The following SLC25A20 variants were observed in gnomAD, a reference collection of about 807,000 sequenced individuals.
SLC25A20 encodes mitochondrial carnitine/acylcarnitine carrier protein.
Under a neutral mutation model 39.7 loss-of-function variants are expected in SLC25A20, and 29 were observed. The observed-to-expected ratio is 0.73, with a 90% CI of 0.54 to 1.00. The LOEUF (loss-of-function observed/expected upper bound fraction) is 1.00. SLC25A20 is among the 50% of genes least tolerant of loss of function. The probability of loss-of-function intolerance (pLI) is 0.00; values close to 1 mark genes in which losing one functional copy is unlikely to be tolerated. For synonymous variants in SLC25A20, 103 were observed against 142.2 expected, an observed-to-expected ratio of 0.72 and a Z score of 1.96; for missense variants, 333 against 379.9, an observed-to-expected ratio of 0.88 and a Z score of 1.03.
intron 4 of SLC25A20, among the ~76,000 whole-genome samples, chr3:48,867,325 A>T (rs1164322303): frequency 1.3e-5 from 2 of 151,084 alleles, no homozygotes; most frequent in Non-Finnish European, 2.9e-5. Context: ...GGTTCACCAC[A>T]ACCTCTGCCT....
At chr3:48,858,413 G>A in intron 8 of SLC25A20, 94 bp downstream of exon 8, 1 of 1,561,734 alleles carries the variant, frequency 6.4e-7, no homozygotes, top group Non-Finnish European at 8.8e-7. Context: ...GGAAAACTGA[G>A]ACCCCAGTCC....
rs535336497 is a variant in SLC25A20 at position 48,886,480 on chromosome 3, G to A, written c.199-2356C>T. ...GGAGGTTGCAGTGAGCCGAGATCGC[G>A]CCATTGCACTCCAGCCTGGGCAACA... On this transcript the variant is annotated intron_variant, in intron 2 of 8. Transcript: ENST00000319017. Among the ~76,000 whole-genome samples, 1,055 of 151,946 alleles carry A rather than the reference G, an allele frequency of 6.9e-3. 16 individuals are homozygous for A. The highest frequency in any genetic ancestry group is 0.024 in the African/African-American group (987 of 41,462).
chr3:48,858,675 C>A (rs1278646568), intron 7 of SLC25A20, 44 bp from the exon 8 acceptor site: 2 of 1,613,776 alleles, frequency 1.2e-6, no homozygotes, highest in Admixed American at 1.7e-5. Context: ...GAAGGAGAAA[C>A]TAGCAGTTAA....
intron 4 of SLC25A20, among the ~76,000 whole-genome samples, chr3:48,870,558 C>CTTT (rs752195846): frequency 5.7e-5 from 7 of 123,480 alleles, no homozygotes; most frequent in Non-Finnish European, 8.7e-5. Context: ...TTTTCTTTTT[C>CTTT]TTTTTTTTTT....
chr3:48,882,984 G>T (rs1324634752), intron 3 of SLC25A20, among the ~76,000 whole-genome samples: 2 of 149,642 alleles, frequency 1.3e-5, no homozygotes, highest in Non-Finnish European at 3.0e-5. Flanking sequence ...TCAGGAGATC[G>T]AGACCATCCT....
intron 3 of SLC25A20, 84 bp downstream of exon 3, chr3:48,883,913 C>G: frequency 1.3e-6 from 2 of 1,537,952 alleles, no homozygotes; most frequent in East Asian, 2.3e-5. Context: ...TATGAGCCAC[C>G]GCGCCCTGCC....
At chr3:48,867,617 T>C (rs1210503519) in intron 4 of SLC25A20, among the ~76,000 whole-genome samples, 2 of 149,550 alleles carry the variant, frequency 1.3e-5, no homozygotes, top group African/African-American at 4.9e-5. Flanking sequence ...CTGATGAGAA[T>C]GATCAAGTGG....
chr3:48,858,789 C>T (rs1045730042), intron 7 of SLC25A20, 158 bp from the exon 8 acceptor site: 1 of 862,676 alleles, frequency 1.2e-6, no homozygotes, highest in Admixed American at 2.0e-5. Flanking sequence ...GCACAAATGC[C>T]TGAATTACTT....
At chr3:48,878,799 CAAA>C (rs544605074) in intron 4 of SLC25A20, among the ~76,000 whole-genome samples, 6 of 83,414 alleles carry the variant, frequency 7.2e-5, no homozygotes, top group African/African-American at 4.6e-5. Context: ...GACCCCATCT[CAAA>C]AAAAAAAAAA....
intron 4 of SLC25A20, among the ~76,000 whole-genome samples, chr3:48,865,958 G>A (rs1373464264): frequency 9.4e-5 from 14 of 149,390 alleles, no homozygotes; most frequent in African/African-American, 2.5e-4. Context: ...GTGAAACCCC[G>A]TCTCTACTAA....
At chr3:48,868,258 T>C (rs571870757) in intron 4 of SLC25A20, among the ~76,000 whole-genome samples, 186 of 148,846 alleles carry the variant, frequency 1.2e-3, no homozygotes, top group Non-Finnish European at 2.1e-3. Context: ...AGTAGGAGGG[T>C]GTAAGAAAAG....
intron 4 of SLC25A20, among the ~76,000 whole-genome samples, chr3:48,877,684 A>G (rs967345044): frequency 6.6e-6 from 1 of 151,876 alleles, no homozygotes; most frequent in Non-Finnish European, 1.5e-5. Context: ...ATCTGAGATC[A>G]TGCCACTGCA....
chr3:48,859,711 T>A, intron 5 of SLC25A20, 84 bp from the exon 6 acceptor site: 1 of 1,091,424 alleles, frequency 9.2e-7, no homozygotes, highest in East Asian at 2.4e-5. Flanking sequence ...CTCAGCAATT[T>A]AGGAGATTGA....
chr3:48,883,893 G>T, intron 3 of SLC25A20, 104 bp downstream of exon 3: 1 of 1,403,200 alleles, frequency 7.1e-7, no homozygotes, highest in Non-Finnish European at 9.8e-7. Context: ...CAAAGTGCTA[G>T]GATTACAGGT....
At chr3:48,888,130 C>A (rs2083844474) in intron 2 of SLC25A20, among the ~76,000 whole-genome samples, 1 of 147,206 alleles carries the variant, frequency 6.8e-6, no homozygotes, top group Non-Finnish European at 1.5e-5. Flanking sequence ...TCACTTGAAC[C>A]CAGGAGGTGG....
intron 4 of SLC25A20, among the ~76,000 whole-genome samples, chr3:48,869,823 A>G (rs568727791): frequency 6.6e-6 from 1 of 152,032 alleles, no homozygotes; most frequent in Non-Finnish European, 1.5e-5. Context: ...GAAAAAAGAG[A>G]AAGAAGAAAA....
chr3:48,868,229 C>A (rs2083687274), intron 4 of SLC25A20, among the ~76,000 whole-genome samples: 1 of 151,474 alleles, frequency 6.6e-6, no homozygotes. Flanking sequence ...AGGAGAGGTA[C>A]GAAGCGGTCA....
chr3:48,880,758 G>T (rs2083790521), intron 3 of SLC25A20, among the ~76,000 whole-genome samples: 1 of 151,638 alleles, frequency 6.6e-6, no homozygotes, highest in African/African-American at 2.4e-5. Context: ...TGTAGAGACA[G>T]AGTTTCGCCA....
At chr3:48,863,402 CCAGA>C (rs2083641445) in intron 4 of SLC25A20, among the ~76,000 whole-genome samples, 1 of 152,098 alleles carries the variant, frequency 6.6e-6, no homozygotes, top group Non-Finnish European at 1.5e-5. Flanking sequence ...CTCTAAGTTC[CCAGA>C]CAGGGGTCCT....
Sources: allele counts gnomAD v4.1 joint callset (sites outside exome capture counted in the v4.1 genomes callset), GRCh38; gene constraint gnomAD v4.1.1; transcripts MANE v1.5; gene names NCBI Gene and HGNC (gene_info 2026-07-23, HGNC 2026-07-21).